The following ZMAT5 variants were observed in gnomAD, a reference collection of about 807,000 sequenced individuals.
ZMAT5 encodes zinc finger matrin-type protein 5.
In ZMAT5, 23 loss-of-function variants were observed where a neutral mutation model predicts 28.0. The ratio of observed to expected loss-of-function variants is 0.82; its 90% confidence interval spans 0.59 to 1.16. The LOEUF is 1.16. Ranked by LOEUF, ZMAT5 falls within the 50% of genes most tolerant of loss-of-function variation. The pLI is 0.00. For synonymous variants in ZMAT5, 76 were observed against 84.1 expected (o/e 0.90, Z 0.52); for missense variants, 173 against 212.7 (o/e 0.81, Z 1.16).
intron 5 of ZMAT5, among the ~76,000 whole-genome samples, chr22:29,736,517 C>T (rs915428893): frequency 2.0e-5 from 3 of 148,640 alleles, no homozygotes; most frequent in South Asian, 4.3e-4. Context: ...GTCAGGAGTT[C>T]GAGACCAGCC....
intron 1 of ZMAT5, among the ~76,000 whole-genome samples, chr22:29,759,604 A>T (rs1157542523): frequency 1.3e-5 from 2 of 152,078 alleles, no homozygotes; most frequent in African/African-American, 2.4e-5. Context: ...GTCTCTAAAA[A>T]AAAATTTTTT....
intron 1 of ZMAT5, among the ~76,000 whole-genome samples, chr22:29,749,728 G>T (rs131266): frequency 0.47 from 70,978 of 151,974 alleles, 16,929 homozygotes; most frequent in East Asian, 0.6. Context: ...GAGAGACCAG[G>T]TGGGGGTAAC....
Position 29,759,021 on chromosome 22 carries a change from C to A in ZMAT5, c.-28+7851G>T, listed in dbSNP as rs532103713. ...AATAGAGCAGACATTCCCCTCACCC[C>A]CTGGATGAAGACTGACAAGGCAAAC... On this transcript the variant is annotated intron_variant, in intron 1 of 5. Transcript: ENST00000344318. Among the ~76,000 whole-genome samples, 750 of 152,264 alleles carry A rather than the reference C, an allele frequency of 4.9e-3. 10 individuals carry two copies. The highest frequency in any genetic ancestry group is 0.017 in the African/African-American group (720 of 41,532).
At chr22:29,757,776 G>A (rs2068116729) in intron 1 of ZMAT5, among the ~76,000 whole-genome samples, 1 of 152,334 alleles carries the variant, frequency 6.6e-6, no homozygotes, top group Admixed American at 6.5e-5. Context: ...CTAGCACTTT[G>A]GGAGGCCAAG....
rs962655045 is a variant in ZMAT5 at position 29,744,616 on chromosome 22, G to A, written c.128-2136C>T. Among the ~76,000 whole-genome samples the A allele has an allele frequency of 4.6e-5, 7 of 152,162 alleles. No individual in the cohort carries two copies. The South Asian group carries it at 1.5e-3, about 32-fold the overall frequency. Reference sequence around the variant, plus strand: ...GGCTGGGATGACTGAGGCAGGCGGCGGGACTGAGCCTGGGTCCTATACAAG... The same window carrying A: ...GGCTGGGATGACTGAGGCAGGCGGCAGGACTGAGCCTGGGTCCTATACAAG... On this transcript the variant is annotated intron_variant, in intron 2 of 5. Transcript: ENST00000344318.
At chr22:29,739,162 C>T (rs187413391) in intron 4 of ZMAT5, among the ~76,000 whole-genome samples, 27 of 152,350 alleles carry the variant, frequency 1.8e-4, no homozygotes, top group African/African-American at 6.5e-4. Context: ...GCCTCAGCTT[C>T]CCTGGTTTTT....
intron 4 of ZMAT5, among the ~76,000 whole-genome samples, chr22:29,738,784 A>G (rs1601717392): frequency 6.6e-6 from 1 of 152,072 alleles, no homozygotes; most frequent in South Asian, 2.1e-4. Context: ...CGGGCGGATC[A>G]CCTGAGTCCA....
At chr22:29,748,744 A>C (rs948560500) in intron 1 of ZMAT5, among the ~76,000 whole-genome samples, 173 bp from the exon 2 acceptor site, 2 of 152,196 alleles carry the variant, frequency 1.3e-5, no homozygotes, top group Non-Finnish European at 2.9e-5. Context: ...TTCCAGAGGG[A>C]TCTGTTAACC....
At position 29,738,514 on chromosome 22, in the gene ZMAT5, C is replaced by G. The variant is rs1337754206; in HGVS notation, c.272-73G>C. 4.3e-6 allele frequency: 6 copies of G among 1,382,032 alleles called. No homozygotes were observed. The South Asian group carries it at 4.8e-5, about 11-fold the overall frequency. The allele number at this position is 1,382,032 out of a possible 1,614,324, so 85.6% of individuals were successfully genotyped here. Reference sequence around the variant, plus strand: ...GCCAGAACCCTACCCTCTCACAAAGCAGAAGCAACTGGTAGGCCCTGAGCA... The same window carrying G: ...GCCAGAACCCTACCCTCTCACAAAGGAGAAGCAACTGGTAGGCCCTGAGCA... On this transcript the variant is annotated intron_variant, in intron 4 of 5. Coordinates refer to ENST00000344318, the MANE Select transcript of ZMAT5 (RefSeq NM_001003692.2).
At chr22:29,754,866 G>A (rs1202269784) in intron 1 of ZMAT5, among the ~76,000 whole-genome samples, 1 of 152,166 alleles carries the variant, frequency 6.6e-6, no homozygotes, top group African/African-American at 2.4e-5. Context: ...CAGAGACCCT[G>A]TCTCAAACAA....
intron 5 of ZMAT5, among the ~76,000 whole-genome samples, chr22:29,737,803 C>T (rs573713778): frequency 6.6e-6 from 1 of 152,222 alleles, no homozygotes; most frequent in Admixed American, 6.5e-5. Flanking sequence ...GGACCCCGAT[C>T]CAGCAGCTCC....
rs778792064 is a variant in ZMAT5, at chr22:29,740,723, G to A, written c.198C>T (p.Cys66=). Residue 66 remains cysteine, a synonymous_variant, in exon 4 of 6, where the codon TGC becomes TGT. Coordinates refer to ENST00000344318, the MANE Select transcript of ZMAT5 (RefSeq NM_001003692.2). ...PCRKFLLTGQ[C]DFGSNCRFSH... is the part of the protein sequence containing the mutation. ...AAAATCTGCAGTTGGAGCCAAAGTC[G>A]CACTGGCCTGCAGCAGGAAGACAGA... is the stretch of plus-strand genomic sequence containing the variant. 7 of 1,593,638 alleles carry A rather than the reference G, an allele frequency of 4.4e-6. No individual in the cohort carries two copies. The highest frequency in any genetic ancestry group is 1.7e-4 in the Middle Eastern group (1 of 6,056).
intron 2 of ZMAT5, chr22:29,746,115 G>A (rs12163073): frequency 0.059 from 9,016 of 152,248 alleles, 307 homozygotes; most frequent in Middle Eastern, 0.1. Context: ...TGGAACCACA[G>A]GAATGGGCCA....
intron 1 of ZMAT5, among the ~76,000 whole-genome samples, chr22:29,760,644 C>T (rs1253709345): frequency 2.7e-4 from 41 of 152,168 alleles, no homozygotes; most frequent in Admixed American, 6.6e-5. Flanking sequence ...TCTAATACCC[C>T]TTAAGAAGCA....
rs751679965 is a variant in ZMAT5, at chr22:29,748,377, G to A, written c.127+41C>T. 9 of 1,613,718 alleles carry A rather than the reference G, an allele frequency of 5.6e-6. No individual in the cohort carries two copies. In the East Asian group the frequency reaches 2.0e-4, roughly 36 times the overall value. On this transcript the variant is annotated intron_variant, in intron 2 of 5. Transcript: ENST00000344318. ...CTTTGATGATAAGAAAGATCAGAGA[G>A]CAGGGCTCCAGGAGCCTGGCCCCCA... is the stretch of plus-strand genomic sequence containing the variant.
intron 2 of ZMAT5, among the ~76,000 whole-genome samples, chr22:29,745,202 G>A (rs533408528): frequency 3.9e-5 from 6 of 152,302 alleles, no homozygotes; most frequent in African/African-American, 4.8e-5. Context: ...TCTAGGGGTC[G>A]GGGAGGACGT....
intron 2 of ZMAT5, 114 bp from the exon 3 acceptor site, chr22:29,742,594 G>C: frequency 2.0e-6 from 2 of 998,308 alleles, no homozygotes; most frequent in African/African-American, 1.6e-5. Flanking sequence ...TGTGCAGAAA[G>C]AAGAGTTTCC....
intron 1 of ZMAT5, among the ~76,000 whole-genome samples, chr22:29,764,795 G>A (rs1199823282): frequency 6.6e-6 from 1 of 152,018 alleles, no homozygotes; most frequent in Non-Finnish European, 1.5e-5. Flanking sequence ...GAGCCACCGC[G>A]CCTGGCCCCT....
chr22:29,760,067 G>A (rs564733656), intron 1 of ZMAT5, among the ~76,000 whole-genome samples: 207 of 152,196 alleles, frequency 1.4e-3, no homozygotes, highest in Middle Eastern at 0.01. Context: ...TGGGAATGGC[G>A]GCACGAGCCT....
Sources: allele counts gnomAD v4.1 joint callset (sites outside exome capture counted in the v4.1 genomes callset), GRCh38; gene constraint gnomAD v4.1.1; transcripts MANE v1.5; gene names NCBI Gene and HGNC (gene_info 2026-07-23, HGNC 2026-07-21).